Variants in AOAH observed in about 807,000 individuals in gnomAD.
The protein encoded by AOAH is acyloxyacyl hydrolase (neutrophil).
A neutral mutation model predicts 92.2 loss-of-function variants in AOAH; 64 were observed. The ratio of observed to expected loss-of-function variants is 0.69; its 90% confidence interval spans 0.57 to 0.86. The LOEUF is 0.86. AOAH is among the 40% of genes least tolerant of loss of function. The pLI, the probability that AOAH is intolerant of heterozygous loss-of-function variation, is 0.00. For missense variants in AOAH, 656 were observed against 694.6 expected (o/e 0.94, Z 0.62); for synonymous variants, 263 against 254.5 (o/e 1.03, Z -0.32).
At chr7:36,676,617 C>G (rs1339108607) in intron 2 of AOAH, among the ~76,000 whole-genome samples, 2 of 151,830 alleles carry the variant, frequency 1.3e-5, no homozygotes, top group African/African-American at 4.8e-5. Context: ...TCCTAACATT[C>G]ATACGAAAAG....
intron 1 of AOAH, among the ~76,000 whole-genome samples, chr7:36,694,948 A>AAGAG (rs10625179): frequency 1.3e-5 from 2 of 151,388 alleles, no homozygotes; most frequent in Non-Finnish European, 2.9e-5. Flanking sequence ...GAGGGAGAGA[A>AAGAG]AGAGAGAGAG....
At chr7:36,582,251 G>A (rs1788981304) in intron 12 of AOAH, among the ~76,000 whole-genome samples, 1 of 152,148 alleles carries the variant, frequency 6.6e-6, no homozygotes, top group South Asian at 2.1e-4. Context: ...CTAGGAGGAG[G>A]TGACTGCTTT....
intron 1 of AOAH, among the ~76,000 whole-genome samples, chr7:36,715,676 C>A (rs1333961836): frequency 7.0e-6 from 1 of 143,120 alleles, no homozygotes; most frequent in Non-Finnish European, 1.5e-5. Flanking sequence ...TGCCACATAT[C>A]TACAACTATC....
At position 36,594,433 on chromosome 7, in the gene AOAH, A is replaced by C; in HGVS notation, c.847-3T>G. On this transcript the variant is annotated splice_polypyrimidine_tract_variant and splice_region_variant and intron_variant, in intron 11 of 20. Transcript: ENST00000617537. The stretch of plus-strand genomic sequence containing the variant: ...GTTGGTAGATTGATGAAAGAGTTCT[A>C]AGGAAAACAATAAAGTAGCAATTAT... The C allele has an allele frequency of 6.2e-7, 1 of 1,610,424 alleles. No individual in the cohort carries two copies. The highest frequency in any genetic ancestry group is 8.5e-7 in the Non-Finnish European group (1 of 1,176,626).
At chr7:36,634,115 GCTGA>G (rs1346091443) in intron 5 of AOAH, among the ~76,000 whole-genome samples, 2 of 152,286 alleles carry the variant, frequency 1.3e-5, no homozygotes, top group Admixed American at 1.3e-4. Flanking sequence ...AGACTTAGTA[GCTGA>G]CTAAGATCAG....
intron 12 of AOAH, among the ~76,000 whole-genome samples, chr7:36,581,608 T>A (rs1033720503): frequency 3.3e-5 from 5 of 152,224 alleles, no homozygotes; most frequent in Admixed American, 6.5e-5. Flanking sequence ...AATTCTTACC[T>A]ATTTAGTCAC....
intron 4 of AOAH, among the ~76,000 whole-genome samples, chr7:36,657,637 C>G (rs1343338519): frequency 3.3e-5 from 5 of 152,158 alleles, no homozygotes; most frequent in Non-Finnish European, 7.3e-5. Context: ...AGGGGGCTGT[C>G]CAGGGAATCG....
At chr7:36,636,849 G>GTAAAA (rs1793559494) in intron 5 of AOAH, among the ~76,000 whole-genome samples, 1 of 152,190 alleles carries the variant, frequency 6.6e-6, no homozygotes, top group Admixed American at 6.5e-5. Context: ...AATCTGGCAA[G>GTAAAA]CCTAGCCATG....
chr7:36,712,676 T>A (rs1214882906), intron 1 of AOAH, among the ~76,000 whole-genome samples: 1 of 152,128 alleles, frequency 6.6e-6, no homozygotes, highest in Non-Finnish European at 1.5e-5. Flanking sequence ...GGGCCAATAT[T>A]CAACATTCTC....
chr7:36,661,003 CAA>C (rs1375043919), intron 3 of AOAH: 2 of 152,110 alleles, frequency 1.3e-5, no homozygotes, highest in African/African-American at 4.8e-5. Context: ...CAAAAACAAA[CAA>C]ATCCAGCAAC....
intron 10 of AOAH, among the ~76,000 whole-genome samples, chr7:36,617,590 GTGAATGAA>G (rs3053536): frequency 1.3e-5 from 2 of 152,202 alleles, no homozygotes; most frequent in Non-Finnish European, 2.9e-5. Context: ...TGTTGAATGA[GTGAATGAA>G]TGAATGAATG....
intron 13 of AOAH, among the ~76,000 whole-genome samples, chr7:36,565,359 T>G (rs1037033798): frequency 1.4e-4 from 22 of 152,220 alleles, no homozygotes; most frequent in Non-Finnish European, 3.1e-4. Flanking sequence ...AGATATTTAC[T>G]GAGTGCCTGC....
intron 1 of AOAH, among the ~76,000 whole-genome samples, chr7:36,714,913 G>C (rs1799027002): frequency 6.6e-6 from 1 of 152,084 alleles, no homozygotes; most frequent in Non-Finnish European, 1.5e-5. Context: ...TTTGAAAACG[G>C]GCATAAGACA....
chr7:36,687,545 T>C (rs988932315), intron 1 of AOAH, among the ~76,000 whole-genome samples: 4 of 151,980 alleles, frequency 2.6e-5, no homozygotes, highest in Non-Finnish European at 5.9e-5. Context: ...ACCTTTTTTT[T>C]TTTTTCCAAA....
At chr7:36,539,600 T>A (rs1785285211) in intron 16 of AOAH, among the ~76,000 whole-genome samples, 1 of 152,214 alleles carries the variant, frequency 6.6e-6, no homozygotes, top group South Asian at 2.1e-4. Flanking sequence ...AATAAATACA[T>A]TCTCCTCTGA....
At position 36,514,314 on chromosome 7, in the gene AOAH, C is replaced by T. The variant is rs139936520; in HGVS notation, c.1600-934G>A. Among the ~76,000 whole-genome samples the T allele has an allele frequency of 1.4e-3, 191 of 141,262 alleles. 1 individual carries two copies. The highest frequency in any genetic ancestry group is 4.8e-3 in the African/African-American group (178 of 36,904). 92.7% of individuals were successfully genotyped at this position (141,262 alleles called of 152,430 possible). On this transcript the variant is annotated intron_variant, in intron 20 of 20. Coordinates refer to ENST00000617537, the MANE Select transcript of AOAH (RefSeq NM_001637.4). ...AGAGAATGGCATGTTTGGGGAACTA[C>T]AGGTGCCTGGGAGTGGAGGCTGGCT...
chr7:36,530,075 A>T (rs1287513880), intron 19 of AOAH, among the ~76,000 whole-genome samples: 1 of 152,122 alleles, frequency 6.6e-6, no homozygotes, highest in East Asian at 1.9e-4. Flanking sequence ...TGTCACATCC[A>T]TCAGGTAACC....
chr7:36,583,555 CAG>C (rs568670318), intron 12 of AOAH, among the ~76,000 whole-genome samples: 1 of 152,144 alleles, frequency 6.6e-6, no homozygotes, highest in African/African-American at 2.4e-5. Flanking sequence ...ACCGTGGACT[CAG>C]AGAGACTGGC....
intron 2 of AOAH, among the ~76,000 whole-genome samples, chr7:36,679,714 G>A (rs1363757431): frequency 2.0e-5 from 3 of 151,902 alleles, no homozygotes; most frequent in Non-Finnish European, 1.5e-5. Flanking sequence ...CTGGAGTGCA[G>A]TGGTGCAATC....
Sources: gnomAD v4.1 joint callset for allele counts (sites outside exome capture counted in the v4.1 genomes callset) on GRCh38, gnomAD v4.1.1 for gene constraint, MANE v1.5 for transcripts, NCBI Gene and HGNC (gene_info 2026-07-23, HGNC 2026-07-21) for gene names.